Variants in BAZ2B observed in about 807,000 individuals in gnomAD.
BAZ2B encodes the protein bromodomain adjacent to zinc finger domain protein 2B.
BAZ2B carries 91 observed loss-of-function variants against 246.0 expected under a neutral mutation model. The ratio of observed to expected loss-of-function variants is 0.37; its 90% CI spans 0.31 to 0.44. The LOEUF (loss-of-function observed/expected upper bound fraction) is 0.44, where lower values mean the gene tolerates loss of function less well. BAZ2B is among the 20% of genes least tolerant of loss of function. BAZ2B has a pLI of 1.00. For synonymous variants in BAZ2B, 855 were observed against 860.0 expected, an observed-to-expected ratio of 0.99 and a Z score of 0.10; for missense variants, 2,332 against 2,533.7, an observed-to-expected ratio of 0.92 and a Z score of 1.71.
At chr2:159,486,214 C>T (rs1466727008) in intron 2 of BAZ2B, among the ~76,000 whole-genome samples, 2 of 151,912 alleles carry the variant, frequency 1.3e-5, no homozygotes, top group African/African-American at 4.8e-5. Context: ...GTTAGCTGAT[C>T]CTTTCATCTA....
chr2:159,650,243 C>A, the BAZ2B span, among the ~76,000 whole-genome samples: 8 of 145,590 alleles, frequency 5.5e-5, no homozygotes, highest in Non-Finnish European at 1.2e-4. Flanking sequence ...GTTTTTTTTA[C>A]TGGGTGTCAT....
chr2:159,594,923 G>A (rs926821466), intron 1 of BAZ2B, among the ~76,000 whole-genome samples: 8 of 150,512 alleles, frequency 5.3e-5, no homozygotes, highest in East Asian at 2.0e-4. Context: ...CCAAGCCACC[G>A]GGCATGGCCC....
chr2:159,344,534 C>A (rs373967933), intron 31 of BAZ2B, among the ~76,000 whole-genome samples: 74 of 137,920 alleles, frequency 5.4e-4, no homozygotes, highest in South Asian at 4.7e-4. Context: ...AACTCCGTCT[C>A]AAAAAAAAAA....
intron 2 of BAZ2B, among the ~76,000 whole-genome samples, chr2:159,520,620 A>G (rs1044737160): frequency 6.6e-6 from 1 of 152,186 alleles, no homozygotes; most frequent in Non-Finnish European, 1.5e-5. Context: ...ATGTTTGTTC[A>G]ACATAACTAG....
At chr2:159,383,079 T>A (rs2062197388) in intron 24 of BAZ2B, among the ~76,000 whole-genome samples, 1 of 152,056 alleles carries the variant, frequency 6.6e-6, no homozygotes, top group African/African-American at 2.4e-5. Flanking sequence ...TAACAATGGC[T>A]GAGTAATAAT....
chr2:159,638,758 A>C, the BAZ2B span, among the ~76,000 whole-genome samples: 5 of 152,168 alleles, frequency 3.3e-5, no homozygotes, highest in Non-Finnish European at 7.4e-5. Flanking sequence ...AAGATCTAGA[A>C]AATAGCGTCA....
chr2:159,679,421 T>C, the BAZ2B span, among the ~76,000 whole-genome samples: 1 of 152,132 alleles, frequency 6.6e-6, no homozygotes, highest in African/African-American at 2.4e-5. Context: ...AATGGTATAG[T>C]ATAAAGTAAA....
At chr2:159,641,179 A>C in the BAZ2B span, among the ~76,000 whole-genome samples, 69,385 of 151,984 alleles carry the variant, frequency 0.46, 16,682 homozygotes, top group Middle Eastern at 0.64. Flanking sequence ...AATTTACACT[A>C]CCATTAACAG....
intron 2 of BAZ2B, among the ~76,000 whole-genome samples, chr2:159,544,448 C>T (rs564984483): frequency 6.6e-6 from 1 of 152,048 alleles, no homozygotes; most frequent in South Asian, 2.1e-4. Context: ...CTACCTTGAG[C>T]GGCTAAGTAG....
chr2:159,701,511 A>G, the BAZ2B span, among the ~76,000 whole-genome samples: 8 of 151,662 alleles, frequency 5.3e-5, no homozygotes. Context: ...AACTTTAAAA[A>G]AATTCAGGGA....
intron 2 of BAZ2B, among the ~76,000 whole-genome samples, chr2:159,489,919 T>C (rs2151011433): frequency 6.6e-6 from 1 of 152,150 alleles, no homozygotes; most frequent in African/African-American, 2.4e-5. Flanking sequence ...TCAAAAAAGT[T>C]AGAAAAAGAA....
At chr2:159,567,550 T>C (rs550980389) in intron 1 of BAZ2B, among the ~76,000 whole-genome samples, 16 of 152,350 alleles carry the variant, frequency 1.1e-4, no homozygotes. Context: ...AATGGCATAT[T>C]GCTTGGGCAT....
At chr2:159,592,024 G>A (rs1253288587) in intron 1 of BAZ2B, among the ~76,000 whole-genome samples, 2 of 152,088 alleles carry the variant, frequency 1.3e-5, no homozygotes, top group African/African-American at 2.4e-5. Context: ...AGAGGTTGAG[G>A]CGTGAGGATC....
intron 21 of BAZ2B, among the ~76,000 whole-genome samples, chr2:159,388,439 T>C (rs1451926903): frequency 6.6e-6 from 1 of 152,122 alleles, no homozygotes; most frequent in Non-Finnish European, 1.5e-5. Context: ...ACAAAACACA[T>C]ATGAGGTGCT....
chr2:159,577,478 A>G (rs1282333477), intron 1 of BAZ2B, among the ~76,000 whole-genome samples: 2 of 152,210 alleles, frequency 1.3e-5, no homozygotes, highest in African/African-American at 4.8e-5. Flanking sequence ...TCAGAAAAAA[A>G]CTATTTTGAT....
intron 31 of BAZ2B, among the ~76,000 whole-genome samples, chr2:159,341,807 T>G (rs2066784345): frequency 6.6e-6 from 1 of 152,154 alleles, no homozygotes; most frequent in Non-Finnish European, 1.5e-5. Context: ...AATTTAAAAA[T>G]TCCTTGAAAT....
At chr2:159,689,289 C>T in the BAZ2B span, 1 of 457,990 alleles carries the variant, frequency 2.2e-6, no homozygotes, top group African/African-American at 2.2e-5. Context: ...TCCCCAGTGG[C>T]TTTTCCAGTA....
At chr2:159,538,793 A>G (rs1578193830) in intron 2 of BAZ2B, among the ~76,000 whole-genome samples, 1 of 152,326 alleles carries the variant, frequency 6.6e-6, no homozygotes, top group African/African-American at 2.4e-5. Context: ...TTAACATTTT[A>G]TCTTCTCACC....
At chr2:159,374,076 C>T (rs796180133) in intron 26 of BAZ2B, among the ~76,000 whole-genome samples, 113 of 125,164 alleles carry the variant, frequency 9.0e-4, no homozygotes, top group South Asian at 5.2e-3. Context: ...GTTTTTTTTT[C>T]TTTTTTTTTT....
Sources: allele counts gnomAD v4.1 joint callset (sites outside exome capture counted in the v4.1 genomes callset), GRCh38; gene constraint gnomAD v4.1.1; transcripts MANE v1.5; gene names NCBI Gene and HGNC (gene_info 2026-07-23, HGNC 2026-07-21).